FBN1: variants seen among roughly 807,000 people sequenced by gnomAD.
The protein encoded by FBN1 is fibrillin 1.
In FBN1, 29 loss-of-function variants were observed where a neutral mutation model predicts 365.1. The ratio of observed to expected loss-of-function variants is 0.08; its 90% CI spans 0.06 to 0.11. FBN1 has a LOEUF of 0.11. Ranked by LOEUF, FBN1 falls within the 10% of genes least tolerant of loss-of-function variation. FBN1 has a pLI of 1.00. For missense variants in FBN1, 2,476 were observed against 3,703.2 expected (o/e 0.67, Z 8.60); for synonymous variants, 1,210 against 1,270.5 (o/e 0.95, Z 1.01).
intron 9 of FBN1, among the ~76,000 whole-genome samples, chr15:48,524,466 T>C (rs192672952): frequency 6.5e-4 from 99 of 152,292 alleles, no homozygotes; most frequent in African/African-American, 2.3e-3. Context: ...ACGGATAATT[T>C]TGGGGGTCTC....
intron 63 of FBN1, among the ~76,000 whole-genome samples, chr15:48,420,223 A>C (rs1433726593): frequency 6.6e-6 from 1 of 152,212 alleles, no homozygotes; most frequent in Non-Finnish European, 1.5e-5. Context: ...AAAACACACA[A>C]AAAAACACAA....
intron 6 of FBN1, among the ~76,000 whole-genome samples, chr15:48,595,749 C>T (rs1016969426): frequency 7.9e-5 from 12 of 151,636 alleles, no homozygotes; most frequent in African/African-American, 2.7e-4. Flanking sequence ...TAGCAGGCTG[C>T]GATGAGTACT....
chr15:48,452,325 G>A (rs1345840868), intron 45 of FBN1, among the ~76,000 whole-genome samples: 6 of 152,158 alleles, frequency 3.9e-5, no homozygotes, highest in East Asian at 1.9e-4. Context: ...CTATGTATGC[G>A]AATGATTTAC....
intron 17 of FBN1, among the ~76,000 whole-genome samples, chr15:48,503,084 G>C (rs375675628): frequency 6.6e-6 from 1 of 151,916 alleles, no homozygotes; most frequent in Admixed American, 6.6e-5. Flanking sequence ...TGGATCACGA[G>C]GTCAGGAGTT....
At chr15:48,624,226 A>G (rs1248119448) in intron 2 of FBN1, among the ~76,000 whole-genome samples, 2 of 152,236 alleles carry the variant, frequency 1.3e-5, no homozygotes, top group African/African-American at 4.8e-5. Flanking sequence ...AAAGTACATC[A>G]TGTGTGCAGC....
intron 63 of FBN1, among the ~76,000 whole-genome samples, chr15:48,420,297 G>A (rs1317159439): frequency 6.6e-6 from 1 of 151,668 alleles, no homozygotes; most frequent in African/African-American, 2.4e-5. Context: ...AACTACTTTG[G>A]CATCTTCAGG....
At chr15:48,538,709 C>T (rs757513798) in intron 6 of FBN1, among the ~76,000 whole-genome samples, 3 of 152,062 alleles carry the variant, frequency 2.0e-5, no homozygotes, top group East Asian at 1.9e-4. Context: ...TATCCATTTC[C>T]GTGGTTCTAC....
At chr15:48,416,371 G>A (rs148343772) in intron 63 of FBN1, among the ~76,000 whole-genome samples, 1 of 152,256 alleles carries the variant, frequency 6.6e-6, no homozygotes, top group African/African-American at 2.4e-5. Context: ...TCAAAATTCT[G>A]CAAAAGCCCC....
intron 43 of FBN1, 82 bp from the exon 44 acceptor site, chr15:48,456,844 G>GTGTA (rs2141260688): frequency 1.6e-6 from 1 of 626,640 alleles, no homozygotes; most frequent in Non-Finnish European, 2.4e-6. Flanking sequence ...AAGTGCGTGC[G>GTGTA]TGTGTGTGTG....
In FBN1 at chr15:48,545,806, C is replaced by G. The variant is rs116872700; in HGVS notation, c.539-7998G>C. Among the ~76,000 whole-genome samples the G allele has an allele frequency of 0.018, 2,764 of 152,152 alleles. 210 individuals carry two copies. The East Asian group carries it at 0.24, about 13-fold the overall frequency. ...GGAGGACGAGGCAGGTGGATCGCTT[C>G]AGCCCAGGAGTTCAAGACCAGCTTA... On this transcript the variant is annotated intron_variant, in intron 6 of 65. Coordinates refer to ENST00000316623, the MANE Select transcript of FBN1 (RefSeq NM_000138.5).
At position 48,436,964 on chromosome 15, in the gene FBN1, C is replaced by A. The variant is rs200469438; in HGVS notation, c.6493G>T (p.Val2165Leu). 1.3e-6 allele frequency: 2 copies of A among 1,576,370 alleles called. No homozygotes were observed. The highest frequency in any genetic ancestry group is 4.5e-5 in the East Asian group (2 of 44,650). ...FGYILAGNECVDTDECSVGNP... is the reference protein window; with the variant it reads ...FGYILAGNECLDTDECSVGNP... ...TGGAAGAAAACTTATTACTCACCTA[C>A]ACATTCATTCCCTGCTAGAATATAA... Residue 2165 changes from valine to leucine, a missense_variant, in exon 53 of 66, where the codon GTA becomes TTA. Transcript: ENST00000316623.
At chr15:48,438,780 A>T (rs2043091725) in intron 50 of FBN1, among the ~76,000 whole-genome samples, 1 of 152,190 alleles carries the variant, frequency 6.6e-6, no homozygotes, top group Admixed American at 6.5e-5. Context: ...GCTTGACATA[A>T]TTTTGGAAAC....
intron 42 of FBN1, among the ~76,000 whole-genome samples, chr15:48,461,342 A>T (rs1208858804): frequency 6.6e-6 from 1 of 152,216 alleles, no homozygotes; most frequent in Non-Finnish European, 1.5e-5. Context: ...ATCATTTCTA[A>T]AAGTAAATGT....
At chr15:48,470,531 T>G (rs2043363355) in intron 36 of FBN1, 103 bp downstream of exon 36, 1 of 1,515,010 alleles carries the variant, frequency 6.6e-7, no homozygotes, top group African/African-American at 1.4e-5. Flanking sequence ...CCCCTTGCTT[T>G]TCTTGTCTTC....
intron 64 of FBN1, among the ~76,000 whole-genome samples, chr15:48,413,309 T>C (rs2141212360): frequency 6.6e-6 from 1 of 152,366 alleles, no homozygotes; most frequent in African/African-American, 2.4e-5. Context: ...TGAAGGTTAA[T>C]TTAATAATAA....
Position 48,513,540 on chromosome 15 carries a change from G to C in FBN1, c.1588+9C>G, listed in dbSNP as rs757843637. 2.5e-6 allele frequency: 4 copies of C among 1,613,950 alleles called. No homozygotes were observed. Among genetic ancestry groups the C allele is most frequent in the Non-Finnish European group, 3.4e-6 (4 of 1,179,878 alleles). ...GTCCCACATTCCACGTCAGGAGCCA[G>C]GACCATACCTCGGCATTCTGTCCGC... On this transcript the variant is annotated intron_variant, in intron 13 of 65. Coordinates refer to ENST00000316623, the MANE Select transcript of FBN1 (RefSeq NM_000138.5).
chr15:48,469,156 C>G (rs1008356221), intron 36 of FBN1, among the ~76,000 whole-genome samples: 2 of 107,862 alleles, frequency 1.9e-5, no homozygotes, highest in Non-Finnish European at 3.7e-5. Context: ...ATATATATAA[C>G]TTTGGCACTA....
At chr15:48,415,793 G>A (rs754866501) in intron 63 of FBN1, 26 bp from the exon 64 acceptor site, 1 of 1,578,176 alleles carries the variant, frequency 6.3e-7, no homozygotes, top group East Asian at 2.2e-5. Flanking sequence ...GAAGCGGCAT[G>A]TGTGGCAGCA....
chr15:48,523,377 T>C (rs1292473363), intron 9 of FBN1, among the ~76,000 whole-genome samples: 1 of 152,248 alleles, frequency 6.6e-6, no homozygotes. Context: ...CTGACTTATA[T>C]GTTAAATCAA....
Sources: gnomAD v4.1 joint callset for allele counts (sites outside exome capture counted in the v4.1 genomes callset) on GRCh38, gnomAD v4.1.1 for gene constraint, MANE v1.5 for transcripts, NCBI Gene and HGNC (gene_info 2026-07-23, HGNC 2026-07-21) for gene names.